GABRA2: variants seen among roughly 807,000 people sequenced by gnomAD.
GABRA2 encodes gamma-aminobutyric acid receptor subunit alpha-2.
A neutral mutation model predicts 48.7 loss-of-function variants in GABRA2; 16 were observed. The observed-to-expected ratio is 0.33, with a 90% CI of 0.22 to 0.50. GABRA2 has a LOEUF of 0.50. Ranked by LOEUF, GABRA2 falls within the 20% of genes least tolerant of loss-of-function variation. The pLI is 0.98. For missense variants in GABRA2, 275 were observed against 535.6 expected (o/e 0.51, Z 4.80); for synonymous variants, 185 against 184.5 (o/e 1.00, Z -0.02).
In GABRA2 at chr4:46,259,226, G is replaced by A. The variant is rs531153133; in HGVS notation, c.1059+2700C>T. 9.2e-5 allele frequency among the ~76,000 whole-genome samples: 14 copies of A among 151,916 alleles called. No individual in the cohort carries two copies. In the South Asian group the frequency reaches 1.9e-3, roughly 20 times the overall value. On this transcript the variant is annotated intron_variant, in intron 9 of 9. Coordinates refer to ENST00000381620, the MANE Select transcript of GABRA2 (RefSeq NM_000807.4). Reference sequence around the variant, plus strand: ...GCAAAAGGAGAAAAGGAAAAACACCGGATATGAAAAAGGGTTCCATAAGAG... The same window carrying A: ...GCAAAAGGAGAAAAGGAAAAACACCAGATATGAAAAAGGGTTCCATAAGAG...
At chr4:46,334,097 A>C (rs1201507700) in intron 3 of GABRA2, among the ~76,000 whole-genome samples, 2 of 152,120 alleles carry the variant, frequency 1.3e-5, no homozygotes, top group Non-Finnish European at 2.9e-5. Flanking sequence ...TTAGAAAATA[A>C]ATTTATAAAA....
At chr4:46,379,376 C>G (rs1027533630) in intron 3 of GABRA2, among the ~76,000 whole-genome samples, 1 of 152,144 alleles carries the variant, frequency 6.6e-6, no homozygotes, top group Admixed American at 6.5e-5. Flanking sequence ...GGCACCCAAG[C>G]ACATGTCTCA....
At chr4:46,345,556 C>A (rs563263235) in intron 3 of GABRA2, among the ~76,000 whole-genome samples, 1 of 151,736 alleles carries the variant, frequency 6.6e-6, no homozygotes, top group Non-Finnish European at 1.5e-5. Flanking sequence ...TAGAGACAAC[C>A]CTAAGGCATG....
rs569548184 is a variant in GABRA2 at position 46,389,206 on chromosome 4, C to A, written c.-10-490G>T. 14 of 988,108 alleles carry A rather than the reference C, an allele frequency of 1.4e-5. No individual in the cohort carries two copies. The South Asian group carries it at 4.2e-4, about 30-fold the overall frequency. 61.2% of individuals were successfully genotyped at this position (988,108 alleles called of 1,614,324 possible). ...AGCGGGAAAAGCTAGGGGCAGGCAGCCCACTTTTGCAATTACTCTACATTA... is the reference window on the plus strand; with the variant it reads ...AGCGGGAAAAGCTAGGGGCAGGCAGACCACTTTTGCAATTACTCTACATTA... On this transcript the variant is annotated intron_variant, in intron 1 of 9. Transcript: ENST00000381620.
intron 3 of GABRA2, among the ~76,000 whole-genome samples, chr4:46,378,503 C>T (rs967534557): frequency 1.3e-5 from 2 of 151,652 alleles, no homozygotes; most frequent in East Asian, 1.9e-4. Flanking sequence ...TCTCAAGTAC[C>T]CAGGGACACA....
intron 8 of GABRA2, among the ~76,000 whole-genome samples, chr4:46,263,723 C>G (rs1048884767): frequency 1.3e-5 from 2 of 152,000 alleles, no homozygotes; most frequent in Non-Finnish European, 2.9e-5. Context: ...TTTGGCTAAT[C>G]AGGATCCCTT....
chr4:46,371,468 A>T (rs1021057901), intron 3 of GABRA2, among the ~76,000 whole-genome samples: 1 of 151,994 alleles, frequency 6.6e-6, no homozygotes, highest in African/African-American at 2.4e-5. Context: ...TTCATTACAG[A>T]TTTTTTCTTC....
In GABRA2 at chr4:46,389,926, A is replaced by T. The variant is rs1209288453; in HGVS notation, c.-202T>A. 3 of 984,662 alleles carry T rather than the reference A, an allele frequency of 3.0e-6. No individual in the cohort carries two copies. Among genetic ancestry groups the T allele is most frequent in the Non-Finnish European group, 3.6e-6 (3 of 831,186 alleles). The allele number at this position is 984,662 out of a possible 1,614,324, so 61.0% of individuals were successfully genotyped here. ...CTGGTGGAAGCCGGAGAGGAGCGCT[A>T]GGAGCCGCGGCGGCGGCGCGAGGTG... On this transcript the variant is annotated 5_prime_UTR_variant, in exon 1 of 10. Coordinates refer to ENST00000381620, the MANE Select transcript of GABRA2 (RefSeq NM_000807.4).
intron 3 of GABRA2, among the ~76,000 whole-genome samples, chr4:46,363,461 G>A (rs565104556): frequency 1.3e-5 from 2 of 152,228 alleles, no homozygotes; most frequent in South Asian, 4.2e-4. Context: ...AAGAGAAAGA[G>A]AGGAGGACCT....
intron 8 of GABRA2, among the ~76,000 whole-genome samples, chr4:46,268,856 C>T (rs1325236861): frequency 6.6e-6 from 1 of 151,668 alleles, no homozygotes; most frequent in African/African-American, 2.4e-5. Flanking sequence ...AGTATTAGTC[C>T]TCAAAAAAAG....
intron 8 of GABRA2, among the ~76,000 whole-genome samples, chr4:46,288,877 AC>A (rs58605699): frequency 0.04 from 5,436 of 137,234 alleles, 330 homozygotes; most frequent in African/African-American, 0.13. Flanking sequence ...AGGAAAAAAA[AC>A]AATGAAAGTA....
At chr4:46,309,285 G>T (rs754337742) in intron 6 of GABRA2, among the ~76,000 whole-genome samples, 2 of 152,106 alleles carry the variant, frequency 1.3e-5, no homozygotes, top group African/African-American at 2.4e-5. Flanking sequence ...GATACAGTTT[G>T]TGAGGAGAAG....
chr4:46,386,404 T>G (rs1313455785), intron 2 of GABRA2, among the ~76,000 whole-genome samples: 1 of 152,176 alleles, frequency 6.6e-6, no homozygotes, highest in African/African-American at 2.4e-5. Context: ...TATCAGAAGT[T>G]TGATGTTAAC....
chr4:46,319,810 A>G (rs563329819), intron 4 of GABRA2, among the ~76,000 whole-genome samples: 1 of 151,970 alleles, frequency 6.6e-6, no homozygotes, highest in East Asian at 1.9e-4. Flanking sequence ...AGATAATTAA[A>G]ATATATATAA....
intron 8 of GABRA2, among the ~76,000 whole-genome samples, chr4:46,292,368 GA>G (rs112332833): frequency 0.016 from 2,379 of 152,256 alleles, 66 homozygotes; most frequent in African/African-American, 0.055. Context: ...GACCTGCAAC[GA>G]AAGGTGCATG....
intron 8 of GABRA2, among the ~76,000 whole-genome samples, chr4:46,279,232 T>C (rs796240424): frequency 5.9e-5 from 9 of 152,278 alleles, no homozygotes; most frequent in African/African-American, 1.9e-4. Flanking sequence ...CTACCTGATA[T>C]ACACTTTGCA....
intron 4 of GABRA2, among the ~76,000 whole-genome samples, chr4:46,319,149 T>C (rs1464848522): frequency 6.6e-6 from 1 of 151,778 alleles, no homozygotes; most frequent in Non-Finnish European, 1.5e-5. Flanking sequence ...CAGTTTATCA[T>C]ATAAACTTGA....
chr4:46,350,858 T>C (rs956465879), intron 3 of GABRA2, among the ~76,000 whole-genome samples: 1 of 151,974 alleles, frequency 6.6e-6, no homozygotes, highest in African/African-American at 2.4e-5. Flanking sequence ...AGACAGATTA[T>C]GTCCATGAAG....
intron 8 of GABRA2, 64 bp from the exon 9 acceptor site, chr4:46,262,192 G>T: frequency 7.4e-7 from 1 of 1,360,280 alleles, no homozygotes; most frequent in Non-Finnish European, 1.0e-6. Context: ...ATGGGAAGTA[G>T]CTTTTCTTTC....
Sources: gnomAD v4.1 joint callset for allele counts (sites outside exome capture counted in the v4.1 genomes callset) on GRCh38, gnomAD v4.1.1 for gene constraint, MANE v1.5 for transcripts, NCBI Gene and HGNC (gene_info 2026-07-23, HGNC 2026-07-21) for gene names.